PIGN: variants seen among roughly 807,000 people sequenced by gnomAD.
PIGN encodes the protein phosphatidylinositol glycan anchor biosynthesis class N, also known as GPI ethanolamine phosphate transferase 1.
In PIGN, 117 loss-of-function variants were observed where a neutral mutation model predicts 125.4. The ratio of observed to expected loss-of-function variants is 0.93; its 90% CI spans 0.80 to 1.09. The LOEUF (loss-of-function observed/expected upper bound fraction) is 1.09, where lower values mean the gene tolerates loss of function less well. Among genes scored for constraint, PIGN ranks in the 50% least tolerant of loss-of-function variants. The pLI is 0.00. For synonymous variants in PIGN, 392 were observed against 377.8 expected, an observed-to-expected ratio of 1.04 and a Z score of -0.44; for missense variants, 1,075 against 1,094.9, an observed-to-expected ratio of 0.98 and a Z score of 0.26.
chr18:62,039,474 G>A (rs1015566261), downstream of PIGN, among the ~76,000 whole-genome samples: 2 of 151,196 alleles, frequency 1.3e-5, no homozygotes, highest in South Asian at 4.2e-4. Context: ...CGCACCCCAT[G>A]TTTAGGGCCC....
intron 4 of PIGN, among the ~76,000 whole-genome samples, chr18:62,158,314 C>T (rs139546749): frequency 1.8e-4 from 28 of 151,996 alleles, no homozygotes; most frequent in Admixed American, 6.6e-5. Context: ...AGAGGGTGAA[C>T]GCAATTATGA....
Position 62,090,577 on chromosome 18 carries a change from A to G in PIGN, c.2182T>C (p.Tyr728His). The G allele has an allele frequency of 6.4e-7, 1 of 1,570,954 alleles. No homozygotes were observed. The highest frequency in any genetic ancestry group is 2.3e-5 in the East Asian group (1 of 44,278). ...AACACTAGTGGAAAGAGAGCTTCAT[A>G]CCTAACAGGTGGGGAAAGGTAGAAA... ...MSTYLLLSTG[Y>H]EALFPLVLSC... Residue 728 changes from tyrosine (Y) to histidine (H), a missense_variant and splice_region_variant, in exon 24 of 31, where the codon TAT becomes CAT. Transcript: ENST00000640252.
chr18:62,082,745 A>G lies in PIGN; in HGVS notation c.2504T>C (p.Ile835Thr). The change falls in exon 28 of 31, where the codon ATT (isoleucine) becomes ACT (threonine). Residue 835 changes from isoleucine to threonine, a missense_variant and splice_region_variant. Physicochemically the swap from Ile to Thr is moderately conservative, Grantham distance 89. Around this residue, in one of 3 missense-constraint regions of PIGN, gnomAD observed 915 missense variants for 908.7 expected, o/e 1.01. Transcript: ENST00000640252. Reference sequence around the variant, plus strand: ...CATAACAAGAACAAAGGGGATTAAAATCTGTAAAAGAACAATAAATGATGC... The same window carrying G: ...CATAACAAGAACAAAGGGGATTAAAGTCTGTAAAAGAACAATAAATGATGC... ...FMMGALMMWK[I>T]LIPFVLVMCA... 2.0e-6 allele frequency: 3 copies of G among 1,519,908 alleles called. No homozygotes were observed. The highest frequency in any genetic ancestry group is 1.8e-6 in the Non-Finnish European group (2 of 1,116,580). The allele number at this position is 1,519,908 out of a possible 1,614,324, so 94.2% of individuals were successfully genotyped here. A position where few individuals can be genotyped will look rare whatever the true frequency, so the allele number is the denominator to read the frequency against.
At chr18:62,049,037 C>CT (rs1568115351) in intron 30 of PIGN, among the ~76,000 whole-genome samples, 2 of 151,896 alleles carry the variant, frequency 1.3e-5, no homozygotes, top group South Asian at 2.1e-4. Context: ...TGAACTCATC[C>CT]TTTTTTATGG....
In PIGN at chr18:62,088,653, C is replaced by A. The variant is rs569989341; in HGVS notation, c.2370+103G>T. 85 of 703,974 alleles carry A rather than the reference C, an allele frequency of 1.2e-4. No homozygotes were observed. The East Asian group carries it at 2.4e-3, about 20-fold the overall frequency. The allele number at this position is 703,974 out of a possible 1,614,324, so 43.6% of individuals were successfully genotyped here. On this transcript the variant is annotated intron_variant, in intron 25 of 30. Transcript: ENST00000640252. ...ACTATAGTTCAGGGAGGTTAAAGTA[C>A]TTAACACCACTATTAAGTGATGGGC...
At chr18:62,167,761 T>G (rs2037205896) in intron 1 of PIGN, among the ~76,000 whole-genome samples, 1 of 152,090 alleles carries the variant, frequency 6.6e-6, no homozygotes, top group African/African-American at 2.4e-5. Flanking sequence ...GTAGATAATA[T>G]ATTATGAAAT....
At chr18:62,066,913 T>C (rs1482615680) in intron 30 of PIGN, among the ~76,000 whole-genome samples, 1 of 152,208 alleles carries the variant, frequency 6.6e-6, no homozygotes, top group Non-Finnish European at 1.5e-5. Flanking sequence ...TGTGAGAGTA[T>C]TCCCATGCAA....
intron 30 of PIGN, among the ~76,000 whole-genome samples, chr18:62,061,752 G>GA (rs1446070505): frequency 3.9e-5 from 6 of 152,142 alleles, no homozygotes; most frequent in African/African-American, 1.4e-4. Flanking sequence ...GACATGACAA[G>GA]AAACACCACA....
chr18:62,073,813 G>A (rs1253654227), intron 29 of PIGN, among the ~76,000 whole-genome samples: 1 of 152,182 alleles, frequency 6.6e-6, no homozygotes, highest in African/African-American at 2.4e-5. Flanking sequence ...AAGACCGCTG[G>A]TGTTCATTCT....
chr18:62,104,596 TG>T (rs1377509767), intron 20 of PIGN, among the ~76,000 whole-genome samples: 1 of 152,176 alleles, frequency 6.6e-6, no homozygotes, highest in African/African-American at 2.4e-5. Flanking sequence ...GCTAATAAAG[TG>T]ACTTCCTGGG....
chr18:62,131,326 C>T (rs2035729026), intron 14 of PIGN, among the ~76,000 whole-genome samples: 1 of 152,178 alleles, frequency 6.6e-6, no homozygotes, highest in Non-Finnish European at 1.5e-5. Context: ...TATTCTTCCC[C>T]CTAAGATATC....
chr18:62,126,352 G>A (rs1461461527), intron 14 of PIGN, among the ~76,000 whole-genome samples: 2 of 151,974 alleles, frequency 1.3e-5, no homozygotes, highest in African/African-American at 4.8e-5. Context: ...TTTGCAAACT[G>A]ACAAGTTTAT....
chr18:62,134,353 T>C (rs1185777190), intron 14 of PIGN, among the ~76,000 whole-genome samples: 2 of 152,168 alleles, frequency 1.3e-5, no homozygotes. Context: ...ATTGCGCCAC[T>C]GCACTCCAGC....
intron 30 of PIGN, chr18:62,069,711 T>C (rs1599445155): frequency 6.6e-6 from 1 of 152,178 alleles, no homozygotes; most frequent in Non-Finnish European, 1.5e-5. Flanking sequence ...GGGGTGTGAC[T>C]GATTAATGCA....
chr18:62,091,752 A>G (rs1820837235), intron 23 of PIGN, among the ~76,000 whole-genome samples: 1 of 152,202 alleles, frequency 6.6e-6, no homozygotes, highest in Admixed American at 6.5e-5. Flanking sequence ...TTCCACCTTC[A>G]TAATCCCTAA....
intron 23 of PIGN, 67 bp downstream of exon 23, chr18:62,095,780 AT>A (rs2146206279): frequency 1.2e-6 from 1 of 821,302 alleles, no homozygotes; most frequent in African/African-American, 1.7e-5. Context: ...TTAAATACTA[AT>A]AGAGAAAATA....
At chr18:62,125,048 A>T (rs868863473) in intron 14 of PIGN, among the ~76,000 whole-genome samples, 1 of 139,472 alleles carries the variant, frequency 7.2e-6, no homozygotes, top group Non-Finnish European at 1.5e-5. Context: ...TAAATATACA[A>T]TTTGTACATA....
chr18:62,089,482 C>T (rs182608524), intron 24 of PIGN, among the ~76,000 whole-genome samples: 4 of 152,198 alleles, frequency 2.6e-5, no homozygotes, highest in East Asian at 3.9e-4. Flanking sequence ...TTTTAATACT[C>T]TTTTCTAGAA....
At chr18:62,094,889 T>C (rs2034112276) in intron 23 of PIGN, among the ~76,000 whole-genome samples, 1 of 152,166 alleles carries the variant, frequency 6.6e-6, no homozygotes, top group African/African-American at 2.4e-5. Flanking sequence ...ATCTCTTATA[T>C]GAGACTACAA....
Sources: gnomAD v4.1 joint callset for allele counts (sites outside exome capture counted in the v4.1 genomes callset) on GRCh38, gnomAD v4.1.1 for gene constraint, gnomAD v4.1.1 regional missense constraint, MANE v1.5 for transcripts, NCBI Gene and HGNC (gene_info 2026-07-23, HGNC 2026-07-21) for gene names.